Variants in MYRIP observed in about 807,000 individuals in gnomAD.
MYRIP encodes rab effector MyRIP.
MYRIP carries 49 observed loss-of-function variants against 98.0 expected under a neutral mutation model. That is an observed-to-expected ratio of 0.50 (90% confidence interval 0.40 to 0.63). The LOEUF is 0.63. MYRIP is among the 30% of genes least tolerant of loss of function. The pLI is 0.00. For synonymous variants in MYRIP, 404 were observed against 409.5 expected (o/e 0.99, Z 0.16); for missense variants, 1,004 against 1,058.2 (o/e 0.95, Z 0.71).
intron 5 of MYRIP, among the ~76,000 whole-genome samples, chr3:40,163,187 T>G (rs776969949): frequency 6.6e-6 from 1 of 152,226 alleles, no homozygotes; most frequent in Non-Finnish European, 1.5e-5. Context: ...ACCAATATAA[T>G]TGTCCCCTTA....
chr3:40,218,598 C>CACACACATATATATATATATTTTATATAT (rs143584008), intron 11 of MYRIP, among the ~76,000 whole-genome samples: 1 of 14,220 alleles, frequency 7.0e-5, no homozygotes, highest in African/African-American at 1.2e-4. Context: ...CACACACACA[C>CACACACATATATATATATATTTTATATAT]ATATATATAT....
intron 1 of MYRIP, among the ~76,000 whole-genome samples, chr3:39,829,497 A>T (rs573118359): frequency 6.6e-6 from 1 of 152,242 alleles, no homozygotes; most frequent in Admixed American, 6.5e-5. Context: ...TGTAGTCCAC[A>T]CTAAAGATGT....
At chr3:40,045,199 AAGACCT>A (rs1167893963) in intron 3 of MYRIP, among the ~76,000 whole-genome samples, 5 of 152,070 alleles carry the variant, frequency 3.3e-5, no homozygotes, top group Admixed American at 2.6e-4. Context: ...TTAATGCATC[AAGACCT>A]AGAATTTTCC....
At chr3:39,953,342 G>A (rs1376522054) in intron 2 of MYRIP, among the ~76,000 whole-genome samples, 2 of 152,088 alleles carry the variant, frequency 1.3e-5, no homozygotes, top group Non-Finnish European at 2.9e-5. Context: ...AGTTATTTTT[G>A]ATAATTTTTT....
At position 39,968,657 on chromosome 3, in the gene MYRIP, G is replaced by A. The variant is rs149196668; in HGVS notation, c.110+67731G>A. ...CATAGGTGTACAGACTTATTTCTGG[G>A]CTCCCTGTTGTTTCATTGTTCTATA... is the stretch of plus-strand genomic sequence containing the variant. On this transcript the variant is annotated intron_variant, in intron 2 of 16. Transcript: ENST00000302541. Among the ~76,000 whole-genome samples the A allele has an allele frequency of 9.3e-3, 1,420 of 152,152 alleles. 23 individuals carry two copies. Among genetic ancestry groups the A allele is most frequent in the African/African-American group, 0.031 (1,306 of 41,514 alleles).
At chr3:40,037,678 C>T (rs1440192778) in intron 2 of MYRIP, among the ~76,000 whole-genome samples, 2 of 151,900 alleles carry the variant, frequency 1.3e-5, no homozygotes, top group Non-Finnish European at 2.9e-5. Flanking sequence ...AAATCATCCT[C>T]CTGCCTACCC....
intron 2 of MYRIP, among the ~76,000 whole-genome samples, chr3:40,025,989 G>A (rs1052758543): frequency 3.3e-5 from 5 of 152,050 alleles, no homozygotes; most frequent in Non-Finnish European, 7.4e-5. Context: ...AACAGGATTC[G>A]AGAGCAGAGA....
At position 40,209,879 on chromosome 3, in the gene MYRIP, A is replaced by T; in HGVS notation, c.1691A>T (p.Asp564Val). The change falls in exon 11 of 17, where the codon GAC (aspartate) becomes GTC (valine). Residue 564 changes from aspartate to valine, a missense_variant. By Grantham distance (152) the Asp-to-Val change is radical. Coordinates refer to ENST00000302541, the MANE Select transcript of MYRIP (RefSeq NM_015460.4). ...GTGTCGGATGATTTATCAGAGACAGACATCAGCAATGAGGCTCGGGATCCC... is the reference window on the plus strand; with the variant it reads ...GTGTCGGATGATTTATCAGAGACAGTCATCAGCAATGAGGCTCGGGATCCC... ...HQVSDDLSET[D>V]ISNEARDPQT... 6.2e-7 allele frequency: 1 copy of T among 1,614,032 alleles called. No individual in the cohort carries two copies. Among genetic ancestry groups the T allele is most frequent in the South Asian group, 1.1e-5 (1 of 91,076 alleles).
intron 3 of MYRIP, among the ~76,000 whole-genome samples, chr3:40,072,807 T>A (rs1948260245): frequency 1.4e-5 from 2 of 143,700 alleles, no homozygotes; most frequent in Admixed American, 1.5e-4. Context: ...TACTGCTAGT[T>A]CTCGTAAACA....
At position 40,064,930 on chromosome 3, in the gene MYRIP, G is replaced by T. The variant is rs139690048; in HGVS notation, c.332+20659G>T. Among the ~76,000 whole-genome samples the T allele has an allele frequency of 2.3e-4, 35 of 152,262 alleles. 1 individual carries two copies. The highest frequency in any genetic ancestry group is 7.7e-4 in the African/African-American group (32 of 41,558). On this transcript the variant is annotated intron_variant, in intron 3 of 16. Transcript: ENST00000302541. ...GTGACCTTTGGTTAAATGATATTTC[G>T]AGAGTAATAACCCACAAACTTCCAC...
chr3:40,150,490 TG>T (rs2125573448), intron 3 of MYRIP, among the ~76,000 whole-genome samples: 1 of 152,376 alleles, frequency 6.6e-6, no homozygotes, highest in South Asian at 2.1e-4. Flanking sequence ...TGGAGAATTT[TG>T]CTATCTTCCT....
At chr3:40,000,822 T>G (rs1180859634) in intron 2 of MYRIP, among the ~76,000 whole-genome samples, 1 of 152,140 alleles carries the variant, frequency 6.6e-6, no homozygotes, top group Non-Finnish European at 1.5e-5. Flanking sequence ...TCTGTGAGGT[T>G]TAATAGATAG....
chr3:39,957,390 A>G (rs1945195654), intron 2 of MYRIP, among the ~76,000 whole-genome samples: 1 of 149,100 alleles, frequency 6.7e-6, no homozygotes, highest in Admixed American at 6.6e-5. Context: ...AAATCAATAA[A>G]CGTAATCCAT....
intron 11 of MYRIP, among the ~76,000 whole-genome samples, chr3:40,215,566 A>C (rs1446869531): frequency 6.6e-6 from 1 of 152,146 alleles, no homozygotes; most frequent in Admixed American, 6.5e-5. Context: ...GAAAACCCAG[A>C]GACTCTGGTT....
chr3:39,965,961 T>C (rs1241779679), intron 2 of MYRIP, among the ~76,000 whole-genome samples: 2 of 152,180 alleles, frequency 1.3e-5, no homozygotes, highest in East Asian at 3.8e-4. Flanking sequence ...TGCAATGAAA[T>C]ACACATTGTG....
At chr3:39,972,385 T>A (rs1300068392) in intron 2 of MYRIP, among the ~76,000 whole-genome samples, 1 of 152,064 alleles carries the variant, frequency 6.6e-6, no homozygotes, top group Admixed American at 6.6e-5. Flanking sequence ...TGTTTTTGGG[T>A]GAAAATAGCA....
intron 8 of MYRIP, among the ~76,000 whole-genome samples, chr3:40,180,554 C>T (rs1253526398): frequency 2.6e-5 from 4 of 152,228 alleles, no homozygotes; most frequent in African/African-American, 7.2e-5. Context: ...CAGGCCATGG[C>T]CTGCTTGAAC....
At chr3:40,183,370 C>A (rs1009818171) in intron 9 of MYRIP, among the ~76,000 whole-genome samples, 1 of 152,218 alleles carries the variant, frequency 6.6e-6, no homozygotes, top group Non-Finnish European at 1.5e-5. Context: ...CTAGAATGTC[C>A]TGCCTCTACA....
intron 1 of MYRIP, among the ~76,000 whole-genome samples, chr3:39,878,858 C>G (rs1479939580): frequency 6.7e-6 from 1 of 149,100 alleles, no homozygotes; most frequent in Admixed American, 6.7e-5. Context: ...AGATAGAGAC[C>G]ATTCTGGCCA....
Sources: allele counts gnomAD v4.1 joint callset (sites outside exome capture counted in the v4.1 genomes callset), GRCh38; gene constraint gnomAD v4.1.1; transcripts MANE v1.5; gene names NCBI Gene and HGNC (gene_info 2026-07-23, HGNC 2026-07-21).